GCH1: variants seen among roughly 807,000 people sequenced by gnomAD.
GCH1 encodes GTP cyclohydrolase I.
A neutral mutation model predicts 25.9 loss-of-function variants in GCH1; 5 were observed. The observed-to-expected ratio is 0.19, with a 90% CI of 0.10 to 0.41. GCH1 has a LOEUF of 0.41. GCH1 is among the 10% of genes least tolerant of loss of function. The pLI is 1.00. For missense variants in GCH1, 261 were observed against 336.5 expected (o/e 0.78, Z 1.75); for synonymous variants, 159 against 129.6 (o/e 1.23, Z -1.54).
chr14:54,872,350 C>G (rs951339099), intron 1 of GCH1, among the ~76,000 whole-genome samples: 113 of 152,164 alleles, frequency 7.4e-4, no homozygotes, highest in African/African-American at 2.5e-3. Flanking sequence ...GAAAGAAGCA[C>G]TAAACATGGA....
chr14:54,851,603 C>A (rs1370157896), intron 3 of GCH1, among the ~76,000 whole-genome samples: 1 of 152,168 alleles, frequency 6.6e-6, no homozygotes, highest in Non-Finnish European at 1.5e-5. Context: ...ATTTATGCAG[C>A]CAACAGACAC....
intron 1 of GCH1, among the ~76,000 whole-genome samples, chr14:54,872,014 T>C (rs949318119): frequency 2.0e-5 from 3 of 151,878 alleles, no homozygotes; most frequent in Non-Finnish European, 4.4e-5. Context: ...AAGATACTCC[T>C]CGAGAAGAGC....
chr14:54,869,283 C>T (rs1021274174), intron 1 of GCH1, among the ~76,000 whole-genome samples: 3 of 152,096 alleles, frequency 2.0e-5, no homozygotes, highest in African/African-American at 7.2e-5. Flanking sequence ...TCGTGATCTG[C>T]CAGCCTTGGC....
intron 3 of GCH1, chr14:54,859,373 G>T (rs2039861346): frequency 2.5e-6 from 1 of 402,916 alleles, no homozygotes. Context: ...TAAAGGATGG[G>T]GCTGGACTGA....
At chr14:54,873,716 C>A (rs2040115575) in intron 1 of GCH1, among the ~76,000 whole-genome samples, 1 of 152,180 alleles carries the variant, frequency 6.6e-6, no homozygotes, top group Non-Finnish European at 1.5e-5. Context: ...ACTATAAACA[C>A]CTCTATGCAA....
In GCH1 at chr14:54,843,569, G is replaced by T; in HGVS notation, c.*448C>A. On this transcript the variant is annotated 3_prime_UTR_variant, in exon 6 of 6. Transcript: ENST00000491895. ...AGTCTGTTGAACTTGAATTCACAGA[G>T]CAATACCGCACTAAATATTTTAGCA... is the stretch of plus-strand genomic sequence containing the variant. The T allele has an allele frequency of 7.1e-7, 1 of 1,404,974 alleles. No individual in the cohort carries two copies. 87.0% of individuals were successfully genotyped at this position (1,404,974 alleles called of 1,614,324 possible).
chr14:54,878,137 G>A (rs2040190104), intron 1 of GCH1: 1 of 154,700 alleles, frequency 6.5e-6, no homozygotes, highest in Non-Finnish European at 1.5e-5. Context: ...AGAAACTCCA[G>A]GGAAAGATTT....
intron 1 of GCH1, among the ~76,000 whole-genome samples, chr14:54,868,722 C>T (rs2040024276): frequency 6.6e-6 from 1 of 152,006 alleles, no homozygotes; most frequent in Admixed American, 6.6e-5. Context: ...CTGCCTCAGC[C>T]TCCTAAGTAG....
intron 1 of GCH1, among the ~76,000 whole-genome samples, chr14:54,867,762 G>A (rs1005198088): frequency 1.3e-5 from 2 of 152,048 alleles, no homozygotes; most frequent in African/African-American, 2.4e-5. Context: ...CTATGCAGGC[G>A]GAGCAAGTGC....
chr14:54,852,195 GATATAATAAGAATTA>G (rs1055861554), intron 3 of GCH1, among the ~76,000 whole-genome samples: 1 of 152,142 alleles, frequency 6.6e-6, no homozygotes, highest in Non-Finnish European at 1.5e-5. Flanking sequence ...TAGGCTAATT[GATATAATAAGAATTA>G]AGCTCCCATA....
chr14:54,879,984 CAAAAAAAAA>C (rs35476604), intron 1 of GCH1, among the ~76,000 whole-genome samples: 1 of 49,590 alleles, frequency 2.0e-5, no homozygotes, highest in Admixed American at 3.4e-4. Flanking sequence ...GGCTCTGTCT[CAAAAAAAAA>C]AAAAAAAAAA....
At chr14:54,857,892 G>C (rs548473577) in intron 3 of GCH1, among the ~76,000 whole-genome samples, 15 of 152,288 alleles carry the variant, frequency 9.8e-5, no homozygotes, top group African/African-American at 3.6e-4. Context: ...TTCTGGATTT[G>C]TGCTAAGAGC....
rs1171007081 is a variant in GCH1, at chr14:54,845,788, G to A, written c.606C>T (p.Val202=). The change falls in exon 5 of 6, where the codon GTC becomes GTT. Residue 202 remains valine (V), a synonymous_variant. Coordinates refer to ENST00000491895, the MANE Select transcript of GCH1 (RefSeq NM_000161.3). ...AITEALRPAG[V]GVVVEATHMC... is the part of the protein sequence containing the mutation. ...CTTACGTTGCTTCAACCACTACCCC[G>A]ACTCCAGCAGGCCGCAAGGCTTCCG... 9 of 1,603,956 alleles carry A rather than the reference G, an allele frequency of 5.6e-6. No homozygotes were observed. The highest frequency in any genetic ancestry group is 2.2e-5 in the East Asian group (1 of 44,812).
intron 3 of GCH1, among the ~76,000 whole-genome samples, chr14:54,858,905 T>C (rs2039854220): frequency 6.6e-6 from 1 of 152,172 alleles, no homozygotes; most frequent in Admixed American, 6.5e-5. Context: ...TGTATGTACA[T>C]CACCTCTCCT....
chr14:54,900,540 T>A (rs1193826900), intron 1 of GCH1, among the ~76,000 whole-genome samples: 1 of 152,194 alleles, frequency 6.6e-6, no homozygotes, highest in African/African-American at 2.4e-5. Flanking sequence ...TGTGGAATGA[T>A]GTGTTCTTTG....
intron 1 of GCH1, among the ~76,000 whole-genome samples, chr14:54,868,925 G>A (rs188715184): frequency 6.6e-6 from 1 of 151,976 alleles, no homozygotes; most frequent in Non-Finnish European, 1.5e-5. Flanking sequence ...TTATTTTAGA[G>A]ATGGGATCTT....
intron 1 of GCH1, among the ~76,000 whole-genome samples, chr14:54,867,210 A>C (rs907431113): frequency 1.3e-5 from 2 of 152,208 alleles, no homozygotes; most frequent in Non-Finnish European, 2.9e-5. Flanking sequence ...TCTCTGGCAA[A>C]GAATGAGAGC....
intron 3 of GCH1, among the ~76,000 whole-genome samples, chr14:54,851,750 T>C (rs1821044765): frequency 1.3e-5 from 2 of 152,040 alleles, no homozygotes; most frequent in South Asian, 4.2e-4. Context: ...TGTGGAGAAA[T>C]AGGAACACTT....
rs2039585953 is a variant in GCH1 at position 54,843,152 on chromosome 14, TACATGGATCAC to T, written c.*854_*864del. 1 of 1,517,474 alleles carries T rather than the reference TACATGGATCAC, an allele frequency of 6.6e-7. No homozygotes were observed. Among genetic ancestry groups the T allele is most frequent in the Non-Finnish European group, 8.9e-7 (1 of 1,128,944 alleles). 94.0% of individuals were successfully genotyped at this position (1,517,474 alleles called of 1,614,324 possible). ...AGAAGAAGAAACATTTTGAGGCATC[TACATGGATCAC>T]ACAAAGGAAACTCAATAAACCTATA... On this transcript the variant is annotated 3_prime_UTR_variant, in exon 6 of 6. Coordinates refer to ENST00000491895, the MANE Select transcript of GCH1 (RefSeq NM_000161.3).
Sources: gnomAD v4.1 joint callset for allele counts (sites outside exome capture counted in the v4.1 genomes callset) on GRCh38, gnomAD v4.1.1 for gene constraint, MANE v1.5 for transcripts, NCBI Gene and HGNC (gene_info 2026-07-23, HGNC 2026-07-21) for gene names.